DNAH12: variants seen among roughly 807,000 people sequenced by gnomAD.
DNAH12 encodes dynein axonemal heavy chain 12, also known as axonemal beta dynein heavy chain 12.
In DNAH12, 285 loss-of-function variants were observed where a neutral mutation model predicts 371.5. The ratio of observed to expected loss-of-function variants is 0.77; its 90% confidence interval spans 0.70 to 0.85. The LOEUF (loss-of-function observed/expected upper bound fraction) is 0.85. Ranked by LOEUF, DNAH12 falls within the 40% of genes least tolerant of loss-of-function variation. The probability of loss-of-function intolerance (pLI) is 0.00; values close to 1 mark genes in which losing one functional copy is unlikely to be tolerated. For missense variants in DNAH12, 3,611 were observed against 3,689.4 expected (o/e 0.98, Z 0.55); for synonymous variants, 1,200 against 1,213.0 (o/e 0.99, Z 0.22).
At chr3:57,543,573 G>C (rs1189989796) in intron 1 of DNAH12, among the ~76,000 whole-genome samples, 3 of 149,612 alleles carry the variant, frequency 2.0e-5, no homozygotes, top group African/African-American at 7.4e-5. Context: ...TTCCCGCCTC[G>C]GTCCCCCAAA....
chr3:57,296,076 A>G (rs2061227783), intron 72 of DNAH12, among the ~76,000 whole-genome samples: 1 of 152,232 alleles, frequency 6.6e-6, no homozygotes, highest in Admixed American at 6.5e-5. Flanking sequence ...TACAAAATAG[A>G]AGGAAACTGT....
chr3:57,399,097 T>C (rs2063803266), intron 43 of DNAH12, among the ~76,000 whole-genome samples: 1 of 152,106 alleles, frequency 6.6e-6, no homozygotes, highest in Non-Finnish European at 1.5e-5. Flanking sequence ...TTGTTAGCAG[T>C]TTAAAATAAT....
intron 60 of DNAH12, among the ~76,000 whole-genome samples, chr3:57,349,517 C>T (rs943112218): frequency 3.9e-5 from 6 of 152,122 alleles, no homozygotes; most frequent in Admixed American, 2.0e-4. Context: ...CCTGTACACA[C>T]GTTTATAGCA....
chr3:57,502,166 C>T (rs1241059957), intron 10 of DNAH12, among the ~76,000 whole-genome samples, 157 bp downstream of exon 10: 1 of 152,186 alleles, frequency 6.6e-6, no homozygotes, highest in Admixed American at 6.5e-5. Flanking sequence ...CTCGGCCTCC[C>T]TGGGTTGGAT....
At chr3:57,461,242 T>C (rs1457820219) in intron 19 of DNAH12, among the ~76,000 whole-genome samples, 1 of 152,164 alleles carries the variant, frequency 6.6e-6, no homozygotes, top group Non-Finnish European at 1.5e-5. Flanking sequence ...ATCACTGCCA[T>C]TGGAGAAGAT....
At chr3:57,402,670 T>C (rs1194727524) in intron 43 of DNAH12, among the ~76,000 whole-genome samples, 1 of 152,144 alleles carries the variant, frequency 6.6e-6, no homozygotes, top group Admixed American at 6.5e-5. Context: ...AAGACACTTA[T>C]CAGAGGCCAG....
chr3:57,477,286 A>T (rs575042328), intron 13 of DNAH12, among the ~76,000 whole-genome samples: 3 of 152,174 alleles, frequency 2.0e-5, no homozygotes, highest in Non-Finnish European at 4.4e-5. Flanking sequence ...TATCCTGTGC[A>T]TGGCTCAGAG....
chr3:57,516,051 G>GTTTT (rs1400729891), intron 4 of DNAH12, among the ~76,000 whole-genome samples: 2 of 60,218 alleles, frequency 3.3e-5, no homozygotes, highest in African/African-American at 1.3e-4. Context: ...GTACTGCTTA[G>GTTTT]TCTTTTTTTT....
intron 4 of DNAH12, among the ~76,000 whole-genome samples, chr3:57,514,566 C>T (rs538500672): frequency 6.6e-6 from 1 of 152,092 alleles, no homozygotes; most frequent in Admixed American, 6.5e-5. Context: ...TAGCTTGGAA[C>T]AGACAGAAAG....
chr3:57,543,197 G>A (rs1176694740), intron 1 of DNAH12, among the ~76,000 whole-genome samples: 1 of 151,566 alleles, frequency 6.6e-6, no homozygotes. Flanking sequence ...TACAGCTGTA[G>A]CATTCTGGGT....
intron 12 of DNAH12, among the ~76,000 whole-genome samples, chr3:57,485,289 G>A (rs1041434854): frequency 2.6e-5 from 4 of 152,122 alleles, no homozygotes; most frequent in South Asian, 2.1e-4. Context: ...AGTGCCCATC[G>A]ACCAATGAGT....
At chr3:57,400,001 T>A (rs2063823994) in intron 43 of DNAH12, among the ~76,000 whole-genome samples, 1 of 152,152 alleles carries the variant, frequency 6.6e-6, no homozygotes, top group Admixed American at 6.6e-5. Context: ...TCAAAAGTTA[T>A]ATGTGGGCTA....
upstream of DNAH12, among the ~76,000 whole-genome samples, chr3:57,548,683 G>A (rs2069596773): frequency 6.6e-6 from 1 of 152,118 alleles, no homozygotes; most frequent in Admixed American, 6.6e-5. Context: ...TCCAGCCTGG[G>A]TGACAGAGTG....
chr3:57,519,853 C>T (rs2068343715), intron 4 of DNAH12: 18 of 1,023,190 alleles, frequency 1.8e-5, no homozygotes, highest in South Asian at 1.6e-4. Context: ...CTGGACTCTG[C>T]AGATGGCGCA....
At chr3:57,428,536 T>G (rs17793086) in intron 34 of DNAH12, 97 bp downstream of exon 34, 123,113 of 1,515,286 alleles carry the variant, frequency 0.081, 5,850 homozygotes, top group Non-Finnish European at 0.096. Flanking sequence ...GACAAACTGG[T>G]TTTAGTTATT....
In DNAH12 at chr3:57,452,916, T is replaced by C; in HGVS notation, c.3713A>G (p.Tyr1238Cys). The C allele has an allele frequency of 6.4e-7, 1 of 1,551,506 alleles. No homozygotes were observed. Among genetic ancestry groups the C allele is most frequent in the Non-Finnish European group, 8.7e-7 (1 of 1,146,948 alleles). Residue 1238 changes from tyrosine (Y) to cysteine (C), a missense_variant, in exon 25 of 74, where the codon TAT becomes TGT. This residue lies in a region of DNAH12 where 2,266 missense variants were observed against 2,236.9 expected (regional missense o/e 1.01). Coordinates refer to ENST00000495027, the MANE Select transcript of DNAH12 (RefSeq NM_001366028.2). ...TGAGTTACCAAGATATTCATAAGCA[T>C]ATTTTACATTGCAATTAATGATACG... ...RVRIINCNVK[Y>C]AYEYLGNSPR...
chr3:57,533,489 C>T (rs183036441), intron 2 of DNAH12, among the ~76,000 whole-genome samples: 3 of 151,790 alleles, frequency 2.0e-5, no homozygotes, highest in Admixed American at 6.6e-5. Flanking sequence ...CTCAGAGTCT[C>T]ACTCAAGGCC....
chr3:57,519,431 T>C (rs929245087), intron 4 of DNAH12, among the ~76,000 whole-genome samples: 3 of 152,358 alleles, frequency 2.0e-5, no homozygotes, highest in South Asian at 2.1e-4. Flanking sequence ...GTGCGACACA[T>C]ACCACAGAGG....
chr3:57,419,399 C>T lies in DNAH12; in HGVS notation c.5682G>A (p.Thr1894=), dbSNP rs539293648. 2.2e-5 allele frequency: 33 copies of T among 1,505,884 alleles called. No individual in the cohort carries two copies. Among genetic ancestry groups the T allele is most frequent in the East Asian group, 1.6e-4 (6 of 37,490 alleles). The allele number at this position is 1,505,884 out of a possible 1,614,324, so 93.3% of individuals were successfully genotyped here. ...AGGTAATACTCAAATCCATTAGAAACGTATATCTAATTGTGTCCATCGTAG... is the reference window on the plus strand; with the variant it reads ...AGGTAATACTCAAATCCATTAGAAATGTATATCTAATTGTGTCCATCGTAG... The part of the protein sequence containing the change: ...IVPTMDTIRY[T]FLMDLSITYA... The change falls in exon 37 of 74, where the codon ACG becomes ACA. Residue 1894 remains threonine (T), a synonymous_variant. Coordinates refer to ENST00000495027, the MANE Select transcript of DNAH12 (RefSeq NM_001366028.2).
Sources: gnomAD v4.1 joint callset for allele counts (sites outside exome capture counted in the v4.1 genomes callset) on GRCh38, gnomAD v4.1.1 for gene constraint, gnomAD v4.1.1 regional missense constraint, MANE v1.5 for transcripts, NCBI Gene and HGNC (gene_info 2026-07-23, HGNC 2026-07-21) for gene names.